Variants in GRB7 observed in about 807,000 individuals in gnomAD.
The protein encoded by GRB7 is growth factor receptor-bound protein 7.
In GRB7, 47 loss-of-function variants were observed where a neutral mutation model predicts 64.1. That is an observed-to-expected ratio of 0.73 (90% CI 0.58 to 0.94). The LOEUF is 0.94. Ranked by LOEUF, GRB7 falls within the 40% of genes least tolerant of loss-of-function variation. The probability of loss-of-function intolerance (pLI) is 0.00; values close to 1 mark genes in which losing one functional copy is unlikely to be tolerated. For missense variants in GRB7, 634 were observed against 718.4 expected, an observed-to-expected ratio of 0.88 and a Z score of 1.34; for synonymous variants, 277 against 279.9, an observed-to-expected ratio of 0.99 and a Z score of 0.10.
In GRB7 at chr17:39,743,481, C is replaced by G; in HGVS notation, c.663+11C>G. ...GAAGACCTCATCCAGGTGGGGGGAC[C>G]CCCCATTTCACTGCAGATTCACGAC... is the stretch of plus-strand genomic sequence containing the variant. On this transcript the variant is annotated intron_variant, in intron 6 of 14. Coordinates refer to ENST00000309156, the MANE Select transcript of GRB7 (RefSeq NM_005310.5). The G allele has an allele frequency of 4.3e-6, 7 of 1,610,988 alleles. No homozygotes were observed. Among genetic ancestry groups the G allele is most frequent in the Admixed American group, 1.7e-5 (1 of 60,008 alleles).
chr17:39,746,617 A>G, intron 14 of GRB7, 134 bp from the exon 15 acceptor site: 1 of 306,176 alleles, frequency 3.3e-6, no homozygotes, highest in Non-Finnish European at 5.0e-6. Context: ...AAACTGTCTC[A>G]AAAAAAAAAA....
At chr17:39,743,919 G>A in intron 6 of GRB7, 151 bp from the exon 7 acceptor site, 1 of 910,330 alleles carries the variant, frequency 1.1e-6, no homozygotes, top group Non-Finnish European at 1.6e-6. Flanking sequence ...CTTGAGCTCG[G>A]GAGGTCGAGG....
chr17:39,745,774 C>A lies in GRB7; in HGVS notation c.1256C>A (p.Thr419Lys), dbSNP rs145723329. 7.2e-4 allele frequency: 1,162 copies of A among 1,613,948 alleles called. 7 individuals carry two copies. The African/African-American group carries it at 0.013, about 18-fold the overall frequency. Residue 419 changes from threonine to lysine, a missense_variant, in exon 12 of 15, where the codon ACG becomes AAG. Thr to Lys is a moderately conservative substitution (Grantham distance 78, BLOSUM62 -1). Transcript: ENST00000309156. Reference sequence around the variant, plus strand: ...AGCCTGCCCATGCCAGCCTCCGGCACGAGCCTCAGTGCAGGTGGGTGACGG... The same window carrying A: ...AGCCTGCCCATGCCAGCCTCCGGCAAGAGCCTCAGTGCAGGTGGGTGACGG... ...RLSLPMPASG[T>K]SLSAAIHRTQ...
intron 1 of GRB7, 112 bp from the exon 2 acceptor site, chr17:39,742,140 G>C (rs1381919888): frequency 5.4e-6 from 4 of 737,696 alleles, no homozygotes; most frequent in Non-Finnish European, 9.6e-6. Flanking sequence ...CCTTCCCCAA[G>C]GGCTTCAGGG....
intron 7 of GRB7, 129 bp from the exon 8 acceptor site, chr17:39,744,424 A>C: frequency 1.2e-6 from 1 of 858,726 alleles, no homozygotes; most frequent in Non-Finnish European, 1.8e-6. Context: ...CTCTACTTCT[A>C]TTTGCTGTGT....
Position 39,742,333 on chromosome 17 carries a change from G to A in GRB7, c.32G>A (p.Ser11Asn). 6.2e-7 allele frequency: 1 copy of A among 1,614,088 alleles called. No individual in the cohort carries two copies. Among genetic ancestry groups the A allele is most frequent in the Non-Finnish European group, 8.5e-7 (1 of 1,180,000 alleles). The stretch of plus-strand genomic sequence containing the variant: ...CTGGATCTGTCTCCACCTCATCTTA[G>A]CAGCTCTCCGGAAGACCTTTGCCCA... MELDLSPPHL[S>N]SSPEDLCPAP... The change falls in exon 2 of 15, where the codon AGC becomes AAC. Residue 11 changes from serine to asparagine, a missense_variant. Ser to Asn is a conservative substitution (Grantham distance 46, BLOSUM62 1). Transcript: ENST00000309156.
Position 39,744,212 on chromosome 17 carries a change from G to A in GRB7, c.801+5G>A, listed in dbSNP as rs745492228. 6.2e-7 allele frequency: 1 copy of A among 1,613,568 alleles called. No homozygotes were observed. The highest frequency in any genetic ancestry group is 2.2e-5 in the East Asian group (1 of 44,884). ...TCCACCAAGGGCACCTCTAAGGTAA[G>A]GTCTTGAGGGTACCAGCCCCAGCCC... is the stretch of plus-strand genomic sequence containing the variant. On this transcript the variant is annotated splice_donor_5th_base_variant and intron_variant, in intron 7 of 14. Coordinates refer to ENST00000309156, the MANE Select transcript of GRB7 (RefSeq NM_005310.5).
rs372452907 is a variant in GRB7, at chr17:39,743,480, C to A, written c.663+10C>A. ...TGAAGACCTCATCCAGGTGGGGGGA[C>A]CCCCCATTTCACTGCAGATTCACGA... On this transcript the variant is annotated intron_variant, in intron 6 of 14. Transcript: ENST00000309156. 4 of 1,608,956 alleles carry A rather than the reference C, an allele frequency of 2.5e-6. No individual in the cohort carries two copies. The highest frequency in any genetic ancestry group is 3.4e-6 in the Non-Finnish European group (4 of 1,175,544).
rs757020283 is a variant in GRB7 at position 39,744,201 on chromosome 17, C to T, written c.795C>T (p.Thr265=). The change falls in exon 7 of 15, where the codon ACC becomes ACT. Residue 265 remains threonine, a synonymous_variant. Coordinates refer to ENST00000309156, the MANE Select transcript of GRB7 (RefSeq NM_005310.5). ...GCCTCTATTACTCCACCAAGGGCAC[C>T]TCTAAGGTAAGGTCTTGAGGGTACC... The part of the protein sequence containing the change: ...RSGLYYSTKG[T]SKDPRHLQYV... The T allele has an allele frequency of 6.2e-7, 1 of 1,613,920 alleles. No homozygotes were observed. Among genetic ancestry groups the T allele is most frequent in the Non-Finnish European group, 8.5e-7 (1 of 1,180,010 alleles).
rs200603743 is a variant in GRB7, at chr17:39,743,249, G to T, written c.533G>T (p.Arg178Leu). 1.9e-6 allele frequency: 3 copies of T among 1,614,050 alleles called. No homozygotes were observed. Among genetic ancestry groups the T allele is most frequent in the East Asian group, 2.2e-5 (1 of 44,890 alleles). The change falls in exon 5 of 15, where the codon CGC becomes CTC. Residue 178 changes from arginine to leucine, a missense_variant. This residue lies in a region of GRB7 where 467 missense variants were observed against 576.6 expected (regional missense o/e 0.81). Coordinates refer to ENST00000309156, the MANE Select transcript of GRB7 (RefSeq NM_005310.5). The stretch of plus-strand genomic sequence containing the variant: ...GCCTGGCCCGTGGGCGGAGATAGCC[G>T]CTTCGTCTTCCGGAAAAACTTCGCC... ...QAAWPVGGDS[R>L]FVFRKNFAKY...
At chr17:39,740,422 C>A (rs2059985064) in intron 1 of GRB7, among the ~76,000 whole-genome samples, 2 of 152,316 alleles carry the variant, frequency 1.3e-5, no homozygotes, top group African/African-American at 4.8e-5. Context: ...GGCAGGGGCT[C>A]TGAGCGATGC....
At chr17:39,746,496 A>G (rs2060047703) in intron 14 of GRB7, among the ~76,000 whole-genome samples, 1 of 152,220 alleles carries the variant, frequency 6.6e-6, no homozygotes, top group South Asian at 2.1e-4. Context: ...GCACACCTGT[A>G]GTCCAGCTAC....
chr17:39,744,640 A>G lies in GRB7; in HGVS notation c.889A>G (p.Thr297Ala). Residue 297 changes from threonine (T) to alanine (A), a missense_variant, in exon 8 of 15, where the codon ACT (threonine) becomes GCT (alanine). Physicochemically the swap from Thr to Ala is moderately conservative, Grantham distance 58. Coordinates refer to ENST00000309156, the MANE Select transcript of GRB7 (RefSeq NM_005310.5). Reference protein sequence around the residue: ...TQGRKLYGMPTDFGFCVKPNK... With the variant: ...TQGRKLYGMPADFGFCVKPNK... ...GGGCCGCAAGCTCTACGGGATGCCC[A>G]CTGACTTCGGTTTCTGTGTCAAGGT... 1.2e-6 allele frequency: 2 copies of G among 1,608,002 alleles called. No homozygotes were observed. Among genetic ancestry groups the G allele is most frequent in the Non-Finnish European group, 1.7e-6 (2 of 1,177,266 alleles).
In GRB7 at chr17:39,746,838, C is replaced by G. The variant is rs375142512; in HGVS notation, c.1540C>G (p.Leu514Val). ...GCTGCAGCTCGTGGAGTTCCACCAGCTGAACCGCGGCATCCTGCCGTGCTT... is the reference window on the plus strand; with the variant it reads ...GCTGCAGCTCGTGGAGTTCCACCAGGTGAACCGCGGCATCCTGCCGTGCTT... ...DLLQLVEFHQ[L>V]NRGILPCLLR... is the part of the protein sequence containing the mutation. The change falls in exon 15 of 15, where the codon CTG becomes GTG. Residue 514 changes from leucine (L) to valine (V), a missense_variant. Physicochemically the swap from Leu to Val is conservative, Grantham distance 32 (BLOSUM62 1). Transcript: ENST00000309156. The G allele has an allele frequency of 6.2e-7, 1 of 1,613,712 alleles. No individual in the cohort carries two copies. Among genetic ancestry groups the G allele is most frequent in the South Asian group, 1.1e-5 (1 of 91,090 alleles).
Position 39,744,216 on chromosome 17 carries a change from T to A in GRB7, c.801+9T>A. 1 of 1,613,550 alleles carries A rather than the reference T, an allele frequency of 6.2e-7. No homozygotes were observed. The highest frequency in any genetic ancestry group is 2.2e-5 in the East Asian group (1 of 44,884). On this transcript the variant is annotated intron_variant, in intron 7 of 14. Transcript: ENST00000309156. The stretch of plus-strand genomic sequence containing the variant: ...CCAAGGGCACCTCTAAGGTAAGGTC[T>A]TGAGGGTACCAGCCCCAGCCCCTCC...
intron 8 of GRB7, 44 bp from the exon 9 acceptor site, chr17:39,744,842 T>C: frequency 1.3e-6 from 2 of 1,515,590 alleles, no homozygotes; most frequent in Non-Finnish European, 1.8e-6. Context: ...AGACATGTGG[T>C]CCTAAAGGCA....
At chr17:39,743,152 A>T (rs781725805) in intron 4 of GRB7, 28 bp from the exon 5 acceptor site, 6 of 1,612,870 alleles carry the variant, frequency 3.7e-6, no homozygotes, top group Non-Finnish European at 5.1e-6. Flanking sequence ...GATCTCCAAT[A>T]ACCCCTGCTT....
intron 14 of GRB7, 52 bp downstream of exon 14, chr17:39,746,254 C>T: frequency 7.0e-7 from 1 of 1,433,512 alleles, no homozygotes; most frequent in South Asian, 1.1e-5. Flanking sequence ...GGACTCCCAG[C>T]AACCTGTCCT....
At chr17:39,745,625 G>A (rs951956044) in intron 11 of GRB7, 87 bp downstream of exon 11, 16 of 1,547,850 alleles carry the variant, frequency 1.0e-5, no homozygotes, top group Middle Eastern at 2.2e-4. Context: ...AAGAGAGGGC[G>A]GGGGGAGGCC....
Sources: gnomAD v4.1 joint callset for allele counts (sites outside exome capture counted in the v4.1 genomes callset) on GRCh38, gnomAD v4.1.1 for gene constraint, gnomAD v4.1.1 regional missense constraint, MANE v1.5 for transcripts, NCBI Gene and HGNC (gene_info 2026-07-23, HGNC 2026-07-21) for gene names.